The following MTUS2 variants were observed in gnomAD, a reference collection of about 807,000 sequenced individuals.
The protein encoded by MTUS2 is microtubule-associated tumor suppressor candidate 2.
A neutral mutation model predicts 114.1 loss-of-function variants in MTUS2; 40 were observed. The observed-to-expected ratio is 0.35, with a 90% CI of 0.27 to 0.46. The LOEUF (loss-of-function observed/expected upper bound fraction) is 0.46. MTUS2 is among the 20% of genes least tolerant of loss of function. The pLI, the probability that MTUS2 is intolerant of heterozygous loss-of-function variation, is 1.00. For synonymous variants in MTUS2, 688 were observed against 672.0 expected (o/e 1.02, Z -0.37); for missense variants, 1,679 against 1,705.4 (o/e 0.98, Z 0.27).
intron 5 of MTUS2, among the ~76,000 whole-genome samples, chr13:29,138,740 C>CT (rs548146191): frequency 1.1e-3 from 170 of 150,386 alleles, no homozygotes; most frequent in Non-Finnish European, 1.8e-3. Context: ...TTTCTTAAAG[C>CT]TTTTTTTTTA....
intron 5 of MTUS2, among the ~76,000 whole-genome samples, chr13:29,161,280 A>T (rs1893084926): frequency 6.6e-6 from 1 of 152,172 alleles, no homozygotes; most frequent in Non-Finnish European, 1.5e-5. Flanking sequence ...AGATGTTGCT[A>T]CTGGGGGGAA....
chr13:28,956,536 G>T (rs1467802135), intron 2 of MTUS2, among the ~76,000 whole-genome samples: 1 of 152,180 alleles, frequency 6.6e-6, no homozygotes, highest in Non-Finnish European at 1.5e-5. Context: ...TGTAGAATTG[G>T]AGATATGAGA....
chr13:29,000,040 G>C (rs998949498), intron 2 of MTUS2, among the ~76,000 whole-genome samples: 3 of 152,142 alleles, frequency 2.0e-5, no homozygotes, highest in African/African-American at 7.2e-5. Context: ...TACTTAGGTC[G>C]ATTTCATGCC....
At chr13:29,233,289 C>G (rs1360857) in intron 5 of MTUS2, among the ~76,000 whole-genome samples, 128,699 of 151,786 alleles carry the variant, frequency 0.85, 54,704 homozygotes, top group African/African-American at 0.91. Flanking sequence ...CACAGTTGGA[C>G]ATAGGTGACC....
intron 5 of MTUS2, among the ~76,000 whole-genome samples, chr13:29,160,042 C>A (rs1053736075): frequency 2.0e-5 from 3 of 152,232 alleles, no homozygotes; most frequent in Non-Finnish European, 4.4e-5. Flanking sequence ...AAATCCTATA[C>A]ACCATTGCTC....
At position 29,480,081 on chromosome 13, in the gene MTUS2, T is replaced by C. The variant is rs766080824; in HGVS notation, c.3185-69T>C. The C allele has an allele frequency of 5.5e-6, 8 of 1,467,386 alleles. No individual in the cohort carries two copies. Among genetic ancestry groups the C allele is most frequent in the East Asian group, 2.5e-5 (1 of 40,394 alleles). 90.9% of individuals were successfully genotyped at this position (1,467,386 alleles called of 1,614,324 possible). On this transcript the variant is annotated intron_variant, in intron 9 of 15. Transcript: ENST00000612955. The surrounding 1 kb of genome is among the most constrained non-coding windows in gnomAD (Gnocchi z 4.4). The stretch of plus-strand genomic sequence containing the variant: ...TACGCCAGCCTTGATGATCTGACCA[T>C]GGAGGCTGAGTCCTTCCCATGCCTC...
intron 4 of MTUS2, among the ~76,000 whole-genome samples, chr13:29,077,924 A>G (rs1052851572): frequency 1.3e-5 from 2 of 152,224 alleles, no homozygotes; most frequent in African/African-American, 4.8e-5. Flanking sequence ...CAATACAAAA[A>G]GGGAAAATGG....
chr13:29,146,951 A>G (rs1892460999), intron 5 of MTUS2, among the ~76,000 whole-genome samples: 1 of 152,178 alleles, frequency 6.6e-6, no homozygotes, highest in South Asian at 2.1e-4. Context: ...TGTGGTGTCA[A>G]TTTTCAGTCA....
chr13:28,824,919 G>A (rs1386228719), intron 1 of MTUS2, among the ~76,000 whole-genome samples: 2 of 152,206 alleles, frequency 1.3e-5, no homozygotes, highest in African/African-American at 2.4e-5. Flanking sequence ...ATTTCAAGTA[G>A]TGTGGTCAGG....
chr13:29,210,486 G>A (rs1026346215), intron 5 of MTUS2, among the ~76,000 whole-genome samples: 1 of 152,002 alleles, frequency 6.6e-6, no homozygotes, highest in African/African-American at 2.4e-5. Context: ...GATCTTTTGG[G>A]AGTGTTAAAA....
intron 4 of MTUS2, among the ~76,000 whole-genome samples, chr13:29,063,521 C>T (rs948355741): frequency 1.1e-4 from 16 of 152,084 alleles, no homozygotes; most frequent in African/African-American, 3.6e-4. Flanking sequence ...CAACATACAT[C>T]CAGTTTTGTT....
chr13:29,217,295 A>T (rs527345330), intron 5 of MTUS2, among the ~76,000 whole-genome samples: 1 of 152,292 alleles, frequency 6.6e-6, no homozygotes, highest in South Asian at 2.1e-4. Flanking sequence ...AAATATATTC[A>T]TATTGATACA....
At chr13:29,352,630 T>C (rs956812106) in intron 7 of MTUS2, among the ~76,000 whole-genome samples, 2 of 152,214 alleles carry the variant, frequency 1.3e-5, no homozygotes, top group African/African-American at 4.8e-5. Context: ...TGTTTGTGTC[T>C]GTTTCTTTCA....
At chr13:28,892,975 G>A (rs528257222) in intron 2 of MTUS2, among the ~76,000 whole-genome samples, 2 of 152,276 alleles carry the variant, frequency 1.3e-5, no homozygotes, top group South Asian at 4.2e-4. Flanking sequence ...GAGGAGTCTT[G>A]GGGTGGTAGG....
At chr13:29,062,929 G>A (rs776713582) in intron 4 of MTUS2, among the ~76,000 whole-genome samples, 3 of 152,144 alleles carry the variant, frequency 2.0e-5, no homozygotes, top group Non-Finnish European at 4.4e-5. Flanking sequence ...CATCATTTTC[G>A]TGTTTTTGAA....
At chr13:28,837,196 T>C (rs1566167769) in intron 1 of MTUS2, among the ~76,000 whole-genome samples, 2 of 152,196 alleles carry the variant, frequency 1.3e-5, no homozygotes, top group Admixed American at 1.3e-4. Context: ...ATATAAATTG[T>C]TGGAGCACAA....
At chr13:28,936,629 A>T (rs554138271) in intron 2 of MTUS2, among the ~76,000 whole-genome samples, 1 of 152,100 alleles carries the variant, frequency 6.6e-6, no homozygotes, top group Non-Finnish European at 1.5e-5. Context: ...AGTACGGAGA[A>T]TCTGTCCTGT....
At chr13:29,305,147 G>A (rs1899386327) in intron 6 of MTUS2, among the ~76,000 whole-genome samples, 3 of 152,128 alleles carry the variant, frequency 2.0e-5, no homozygotes, top group Admixed American at 2.0e-4. Flanking sequence ...GTATTAAGAG[G>A]GAAATTTATA....
intron 6 of MTUS2, among the ~76,000 whole-genome samples, chr13:29,315,267 C>T (rs1282059604): frequency 6.6e-6 from 1 of 152,058 alleles, no homozygotes; most frequent in Non-Finnish European, 1.5e-5. Context: ...TAGGGTGACT[C>T]TAGTTAATTA....
Sources: allele counts gnomAD v4.1 joint callset (sites outside exome capture counted in the v4.1 genomes callset), GRCh38; gene constraint gnomAD v4.1.1; non-coding constraint Gnocchi (gnomAD v3.1); transcripts MANE v1.5; gene names NCBI Gene and HGNC (gene_info 2026-07-23, HGNC 2026-07-21).